GABRB1: variants seen among roughly 807,000 people sequenced by gnomAD.
GABRB1 encodes gamma-aminobutyric acid type A receptor subunit beta1.
In GABRB1, 17 loss-of-function variants were observed where a neutral mutation model predicts 51.6. That is an observed-to-expected ratio of 0.33 (90% CI 0.23 to 0.49). The LOEUF (loss-of-function observed/expected upper bound fraction) is 0.49. Among genes scored for constraint, GABRB1 ranks in the 20% least tolerant of loss-of-function variants. GABRB1 has a pLI of 0.99. For missense variants in GABRB1, 410 were observed against 600.6 expected, an observed-to-expected ratio of 0.68 and a Z score of 3.32; for synonymous variants, 247 against 218.9, an observed-to-expected ratio of 1.13 and a Z score of -1.14.
intron 3 of GABRB1, among the ~76,000 whole-genome samples, chr4:47,158,624 G>A (rs2109732815): frequency 6.6e-6 from 1 of 152,146 alleles, no homozygotes; most frequent in South Asian, 2.1e-4. Flanking sequence ...AATGCTGACT[G>A]CCATAGCAAA....
chr4:47,163,794 C>T (rs903727526), intron 4 of GABRB1, among the ~76,000 whole-genome samples: 1 of 151,908 alleles, frequency 6.6e-6, no homozygotes, highest in African/African-American at 2.4e-5. Context: ...ATTTCACCTC[C>T]CTGGGCTTCA....
At chr4:47,204,971 A>G (rs1720055172) in intron 4 of GABRB1, among the ~76,000 whole-genome samples, 1 of 152,294 alleles carries the variant, frequency 6.6e-6, no homozygotes, top group African/African-American at 2.4e-5. Flanking sequence ...TTGATAAATG[A>G]AACATAAGTA....
At chr4:47,014,932 A>C (rs1289853840) in intron 1 of GABRB1, among the ~76,000 whole-genome samples, 3 of 151,974 alleles carry the variant, frequency 2.0e-5, no homozygotes, top group Non-Finnish European at 4.4e-5. Context: ...ATTGAGACGG[A>C]GTCTCGCCCT....
chr4:47,198,301 C>T (rs909938953), intron 4 of GABRB1, among the ~76,000 whole-genome samples: 1 of 152,138 alleles, frequency 6.6e-6, no homozygotes, highest in African/African-American at 2.4e-5. Context: ...TTCAGTACCT[C>T]TTAGTGGGAT....
intron 3 of GABRB1, among the ~76,000 whole-genome samples, chr4:47,049,431 AG>A (rs912999055): frequency 2.0e-5 from 3 of 152,282 alleles, no homozygotes; most frequent in Admixed American, 1.3e-4. Context: ...AGAGAAAGAC[AG>A]AAAGACCCAG....
intron 8 of GABRB1, among the ~76,000 whole-genome samples, chr4:47,420,891 G>A (rs1206647377): frequency 6.7e-6 from 1 of 148,992 alleles, no homozygotes; most frequent in African/African-American, 2.5e-5. Context: ...GGAGGGTGAG[G>A]GTGAAATATC....
intron 3 of GABRB1, among the ~76,000 whole-genome samples, chr4:47,115,836 T>G (rs996826628): frequency 6.6e-6 from 1 of 152,234 alleles, no homozygotes; most frequent in Non-Finnish European, 1.5e-5. Context: ...ATTTCTCATA[T>G]ATTCAATCCA....
chr4:47,230,238 A>G (rs987793758), intron 4 of GABRB1, among the ~76,000 whole-genome samples: 3 of 152,160 alleles, frequency 2.0e-5, no homozygotes, highest in Non-Finnish European at 2.9e-5. Flanking sequence ...AGAATGTTGC[A>G]TGACAGGAAG....
intron 4 of GABRB1, among the ~76,000 whole-genome samples, chr4:47,246,198 G>A (rs1297061983): frequency 6.9e-6 from 1 of 144,808 alleles, no homozygotes; most frequent in African/African-American, 2.5e-5. Flanking sequence ...ACTTCAGTTA[G>A]AATAATACTC....
chr4:47,301,125 A>T (rs13102109), intron 4 of GABRB1, among the ~76,000 whole-genome samples: 6,758 of 152,218 alleles, frequency 0.044, 232 homozygotes, highest in South Asian at 0.071. Context: ...TCAGTCAGCA[A>T]ACTTAGGTTA....
At chr4:47,163,875 T>C (rs1718063534) in intron 4 of GABRB1, among the ~76,000 whole-genome samples, 1 of 151,980 alleles carries the variant, frequency 6.6e-6, no homozygotes, top group Non-Finnish European at 1.5e-5. Context: ...TAGTCTGTTT[T>C]CATATTGCTA....
Position 47,395,019 on chromosome 4 carries a change from C to A in GABRB1, c.545-8299C>A, listed in dbSNP as rs1020883417. Among the ~76,000 whole-genome samples, 2 of 152,116 alleles carry A rather than the reference C, an allele frequency of 1.3e-5. 1 individual carries two copies. The highest frequency in any genetic ancestry group is 1.3e-4 in the Admixed American group (2 of 15,270). On this transcript the variant is annotated intron_variant, in intron 5 of 8. Transcript: ENST00000295454. ...CTCAGCTGCTGAGTTCCTAAGGCTA[C>A]CCCCTGCAATCCTATAAAAATGTGA...
At chr4:47,182,593 C>T (rs1324591034) in intron 4 of GABRB1, among the ~76,000 whole-genome samples, 2 of 151,938 alleles carry the variant, frequency 1.3e-5, no homozygotes, top group Non-Finnish European at 2.9e-5. Flanking sequence ...GTCCTTCTCT[C>T]AGAGTTTTTC....
chr4:47,133,364 C>T (rs1269820965), intron 3 of GABRB1, among the ~76,000 whole-genome samples: 1 of 152,112 alleles, frequency 6.6e-6, no homozygotes, highest in African/African-American at 2.4e-5. Flanking sequence ...GGAAACAGAG[C>T]ACTCTAAATA....
chr4:47,177,660 A>G (rs1053540842), intron 4 of GABRB1, among the ~76,000 whole-genome samples: 4 of 152,120 alleles, frequency 2.6e-5, no homozygotes, highest in African/African-American at 4.8e-5. Flanking sequence ...CAGATTTGGA[A>G]TCAAATGAGA....
chr4:46,995,955 C>T (rs1169443083), intron 1 of GABRB1, among the ~76,000 whole-genome samples: 1 of 151,900 alleles, frequency 6.6e-6, no homozygotes, highest in Non-Finnish European at 1.5e-5. Flanking sequence ...ATTTATATCT[C>T]TTCTCATTTT....
chr4:47,213,825 T>C (rs1720455583), intron 4 of GABRB1, among the ~76,000 whole-genome samples: 2 of 150,402 alleles, frequency 1.3e-5, no homozygotes, highest in South Asian at 4.2e-4. Context: ...AAATTTCTTT[T>C]CTGAAACAGT....
chr4:47,041,373 T>C (rs1725827873), intron 3 of GABRB1, among the ~76,000 whole-genome samples: 1 of 152,100 alleles, frequency 6.6e-6, no homozygotes, highest in Non-Finnish European at 1.5e-5. Context: ...CTATTTTGTT[T>C]AGAGAAAGAC....
chr4:47,150,536 A>G (rs935093120), intron 3 of GABRB1, among the ~76,000 whole-genome samples: 3 of 152,024 alleles, frequency 2.0e-5, no homozygotes, highest in Non-Finnish European at 4.4e-5. Flanking sequence ...AAAATGAGTT[A>G]TATTTCTACT....
Sources: allele counts gnomAD v4.1 joint callset (sites outside exome capture counted in the v4.1 genomes callset), GRCh38; gene constraint gnomAD v4.1.1; transcripts MANE v1.5; gene names NCBI Gene and HGNC (gene_info 2026-07-23, HGNC 2026-07-21).